RAPGEF6: variants seen among roughly 807,000 people sequenced by gnomAD.
The protein encoded by RAPGEF6 is PDZ domain containing guanine nucleotide exchange factor (GEF) 2.
RAPGEF6 carries 56 observed loss-of-function variants against 171.4 expected under a neutral mutation model. That is an observed-to-expected ratio of 0.33 (90% CI 0.26 to 0.41). The LOEUF (loss-of-function observed/expected upper bound fraction) is 0.41, where lower values mean the gene tolerates loss of function less well. Among genes scored for constraint, RAPGEF6 ranks in the 10% least tolerant of loss-of-function variants. RAPGEF6 has a pLI of 1.00. For missense variants in RAPGEF6, 1,674 were observed against 1,921.4 expected, an observed-to-expected ratio of 0.87 and a Z score of 2.41; for synonymous variants, 692 against 650.1, an observed-to-expected ratio of 1.06 and a Z score of -0.98.
chr5:131,492,849 A>C lies in RAPGEF6; in HGVS notation c.1528-64T>G, dbSNP rs1403214538. The C allele has an allele frequency of 2.8e-6, 4 of 1,435,512 alleles. No homozygotes were observed. In the Admixed American group the frequency reaches 7.5e-5, roughly 27 times the overall value. 88.9% of individuals were successfully genotyped at this position (1,435,512 alleles called of 1,614,324 possible). The stretch of plus-strand genomic sequence containing the variant: ...TATTCCTATAGGTTTTTAAAAAGTC[A>C]ACGAAAATTATTAGAATTAGAGTTA... On this transcript the variant is annotated intron_variant, in intron 13 of 27. Coordinates refer to ENST00000509018, the MANE Select transcript of RAPGEF6 (RefSeq NM_016340.6).
intron 3 of RAPGEF6, among the ~76,000 whole-genome samples, chr5:131,598,766 T>C (rs1268557235): frequency 6.6e-6 from 1 of 152,252 alleles, no homozygotes; most frequent in Non-Finnish European, 1.5e-5. Context: ...TGTTTGCAGA[T>C]TGACAGATTC....
intron 4 of RAPGEF6, among the ~76,000 whole-genome samples, chr5:131,580,039 T>C (rs759355000): frequency 1.4e-4 from 22 of 152,214 alleles, no homozygotes; most frequent in Non-Finnish European, 2.9e-4. Flanking sequence ...GCGCCTGCAC[T>C]CCTCAGCCCT....
At position 131,492,775 on chromosome 5, in the gene RAPGEF6, C is replaced by A; in HGVS notation, c.1538G>T (p.Gly513Val). The A allele has an allele frequency of 6.2e-7, 1 of 1,611,444 alleles. No homozygotes were observed. Among genetic ancestry groups the A allele is most frequent in the Non-Finnish European group, 8.5e-7 (1 of 1,177,564 alleles). The change falls in exon 14 of 28, where the codon GGT becomes GTT. Residue 513 changes from glycine (G) to valine (V), a missense_variant. By Grantham distance (109) the Gly-to-Val change is moderately radical (BLOSUM62 -3). This residue lies in a region of RAPGEF6 where 1,116 missense variants were observed against 1,321.5 expected (regional missense o/e 0.84). Transcript: ENST00000509018. ...GGCAATATTCAATAACCGGAGATGA[C>A]CATTCATCTTCTGTTAAGCAGAAAA... is the stretch of plus-strand genomic sequence containing the variant. ...EKNLEDTKMN[G>V]HLRLLNIACA...
chr5:131,451,472 C>T (rs1319756260), intron 21 of RAPGEF6, among the ~76,000 whole-genome samples: 1 of 151,922 alleles, frequency 6.6e-6, no homozygotes, highest in Non-Finnish European at 1.5e-5. Context: ...ACCTGTAGCC[C>T]CAGTTACTTG....
At chr5:131,501,298 T>A (rs970844146) in intron 11 of RAPGEF6, among the ~76,000 whole-genome samples, 1 of 150,272 alleles carries the variant, frequency 6.7e-6, no homozygotes, top group African/African-American at 2.5e-5. Flanking sequence ...ATCGTGCCAC[T>A]GCACTCCAGC....
intron 19 of RAPGEF6, 59 bp from the exon 20 acceptor site, chr5:131,456,071 G>A (rs1753471833): frequency 7.8e-7 from 1 of 1,276,000 alleles, no homozygotes; most frequent in African/African-American, 1.5e-5. Context: ...GTGGACTCAG[G>A]TCAGCATATA....
chr5:131,579,863 A>C (rs1302972597), intron 4 of RAPGEF6, among the ~76,000 whole-genome samples: 1 of 151,714 alleles, frequency 6.6e-6, no homozygotes, highest in Non-Finnish European at 1.5e-5. Context: ...ATTGGCGCAT[A>C]TACAATCCCT....
intron 4 of RAPGEF6, among the ~76,000 whole-genome samples, chr5:131,585,317 C>T (rs1469236279): frequency 6.8e-6 from 1 of 146,862 alleles, no homozygotes; most frequent in Non-Finnish European, 1.5e-5. Context: ...TACATACATA[C>T]ATACATACAT....
chr5:131,634,811 A>G (rs919379460), intron 1 of RAPGEF6, 151 bp downstream of exon 1: 33 of 912,866 alleles, frequency 3.6e-5, no homozygotes, highest in Non-Finnish European at 5.5e-5. Flanking sequence ...GCTGGCGACA[A>G]GGGCCTGGGT....
intron 9 of RAPGEF6, among the ~76,000 whole-genome samples, chr5:131,507,593 C>T (rs958814438): frequency 5.9e-5 from 9 of 152,094 alleles, no homozygotes; most frequent in Admixed American, 5.2e-4. Context: ...AGAATTGTCA[C>T]CTAAACGCTT....
intron 4 of RAPGEF6, among the ~76,000 whole-genome samples, chr5:131,588,286 C>T (rs2149999115): frequency 6.6e-6 from 1 of 152,254 alleles, no homozygotes; most frequent in East Asian, 1.9e-4. Context: ...CAACAGGCAG[C>T]AAAAGAGGTT....
intron 5 of RAPGEF6, among the ~76,000 whole-genome samples, chr5:131,551,810 A>C (rs1561556214): frequency 6.6e-6 from 1 of 152,180 alleles, no homozygotes; most frequent in Non-Finnish European, 1.5e-5. Context: ...GCAAAGAAAA[A>C]TCTAATCATG....
intron 24 of RAPGEF6, among the ~76,000 whole-genome samples, chr5:131,437,868 G>C (rs6896132): frequency 0.36 from 54,492 of 151,922 alleles, 11,401 homozygotes; most frequent in African/African-American, 0.58. Flanking sequence ...TACCACACAT[G>C]AGGCTTTATA....
intron 1 of RAPGEF6, among the ~76,000 whole-genome samples, chr5:131,615,821 G>T (rs914094394): frequency 6.6e-6 from 1 of 151,950 alleles, no homozygotes; most frequent in African/African-American, 2.4e-5. Flanking sequence ...AGAATTGCTT[G>T]AACCCGGGCA....
intron 3 of RAPGEF6, among the ~76,000 whole-genome samples, chr5:131,601,175 C>G (rs191752071): frequency 7.3e-5 from 11 of 151,262 alleles, no homozygotes; most frequent in African/African-American, 2.2e-4. Flanking sequence ...CCTGAGGTCA[C>G]GAGTTCAAGA....
chr5:131,553,099 C>T (rs1356682106), intron 5 of RAPGEF6, among the ~76,000 whole-genome samples: 4 of 152,168 alleles, frequency 2.6e-5, no homozygotes, highest in Admixed American at 2.6e-4. Flanking sequence ...GGCTAGCAAA[C>T]AGTGAGGAAC....
chr5:131,505,887 C>T (rs1320329203), intron 9 of RAPGEF6, among the ~76,000 whole-genome samples: 1 of 151,996 alleles, frequency 6.6e-6, no homozygotes, highest in Non-Finnish European at 1.5e-5. Context: ...TCTACTGCTA[C>T]AATGGTCATA....
chr5:131,581,928 C>T (rs990303191), intron 4 of RAPGEF6, among the ~76,000 whole-genome samples: 2 of 152,198 alleles, frequency 1.3e-5, no homozygotes, highest in African/African-American at 4.8e-5. Context: ...GTAACATCCT[C>T]CTCACCCTTG....
At chr5:131,497,777 A>G (rs1323304501) in intron 12 of RAPGEF6, among the ~76,000 whole-genome samples, 4 of 152,356 alleles carry the variant, frequency 2.6e-5, no homozygotes, top group East Asian at 3.9e-4. Flanking sequence ...AAAAAGACAC[A>G]CCAGACAATT....
Sources: gnomAD v4.1 joint callset for allele counts (sites outside exome capture counted in the v4.1 genomes callset) on GRCh38, gnomAD v4.1.1 for gene constraint, gnomAD v4.1.1 regional missense constraint, MANE v1.5 for transcripts, NCBI Gene and HGNC (gene_info 2026-07-23, HGNC 2026-07-21) for gene names.